PRH1: variants seen among roughly 807,000 people sequenced by gnomAD.
The protein encoded by PRH1 is salivary acidic proline-rich phosphoprotein 1/2.
PRH1 carries 7 observed loss-of-function variants against 7.9 expected under a neutral mutation model. That is an observed-to-expected ratio of 0.89 (90% CI 0.50 to 1.67). PRH1 has a LOEUF of 1.67. Among genes scored for constraint, PRH1 ranks in the 40% most tolerant of loss-of-function variants. The pLI, the probability that PRH1 is intolerant of heterozygous loss-of-function variation, is 0.00. For synonymous variants in PRH1, 45 were observed against 80.8 expected (o/e 0.56, Z 2.38); for missense variants, 109 against 223.6 (o/e 0.49, Z 3.27).
At chr12:10,981,947 G>A (rs1193433922) in intron 1 of PRH1, among the ~76,000 whole-genome samples, 3 of 149,796 alleles carry the variant, frequency 2.0e-5, no homozygotes, top group Non-Finnish European at 3.0e-5. Flanking sequence ...CTCCCACTTC[G>A]GCCTCCTAAA....
chr12:11,150,829 A>T (rs951673698), intron 1 of PRH1, among the ~76,000 whole-genome samples: 4 of 152,186 alleles, frequency 2.6e-5, no homozygotes, highest in Non-Finnish European at 4.4e-5. Context: ...ATAATAATGA[A>T]AAAAGATATC....
At chr12:11,064,723 C>A (rs1453033241) in intron 1 of PRH1, among the ~76,000 whole-genome samples, 1 of 151,848 alleles carries the variant, frequency 6.6e-6, no homozygotes, top group Admixed American at 6.6e-5. Flanking sequence ...ACATATTTAC[C>A]ACTTCATTAA....
chr12:11,105,170 T>G (rs1400219843), intron 1 of PRH1, among the ~76,000 whole-genome samples: 1 of 152,086 alleles, frequency 6.6e-6, no homozygotes. Flanking sequence ...ATTTCAGGAT[T>G]GTTTAACAAC....
rs377733965 is a variant in PRH1 at position 10,909,287 on chromosome 12, G to A, written c.-58-25012C>T. The A allele has an allele frequency of 8.7e-6, 14 of 1,611,554 alleles. 1 individual carries two copies. The African/African-American group carries it at 1.9e-4, about 22-fold the overall frequency. ...TTACAAGAGTGAAGATACTCGGCAG[G>A]GCACTTTCCATGTCAGAACAGAGAA... On this transcript the variant is annotated intron_variant, in intron 2 of 3. Transcript: ENST00000539853.
intron 1 of PRH1, among the ~76,000 whole-genome samples, chr12:11,169,598 A>G (rs1381112825): frequency 7.5e-5 from 11 of 146,674 alleles, no homozygotes; most frequent in Non-Finnish European, 1.5e-5. Context: ...ATGAGTCCAC[A>G]TAGCTTTACA....
intron 1 of PRH1, chr12:11,061,553 A>G: frequency 6.2e-7 from 1 of 1,614,160 alleles, no homozygotes; most frequent in Non-Finnish European, 8.5e-7. Flanking sequence ...CTCCAAACTG[A>G]CATGATTATG....
At chr12:11,154,345 GAA>G (rs1947190138) in intron 1 of PRH1, among the ~76,000 whole-genome samples, 1 of 152,102 alleles carries the variant, frequency 6.6e-6, no homozygotes, top group Non-Finnish European at 1.5e-5. Context: ...ATAAATAAGA[GAA>G]AACACAAGTT....
At chr12:11,168,288 GA>G (rs754942028) in intron 1 of PRH1, among the ~76,000 whole-genome samples, 35 of 29,068 alleles carry the variant, frequency 1.2e-3, no homozygotes, top group African/African-American at 1.9e-3. Context: ...AAGAAAGAAA[GA>G]AAGAAAGAAA....
chr12:11,134,282 G>A (rs1946483029), intron 1 of PRH1: 2 of 1,548,686 alleles, frequency 1.3e-6, no homozygotes, highest in Non-Finnish European at 1.7e-6. Flanking sequence ...AAATGCTGGT[G>A]TAATATCACT....
chr12:11,021,648 A>C, intron 1 of PRH1: 1 of 1,590,752 alleles, frequency 6.3e-7, no homozygotes, highest in Non-Finnish European at 8.6e-7. Flanking sequence ...GAATCTATGG[A>C]GTTGAGGGTT....
In PRH1 at chr12:10,908,823, T is replaced by C. The variant is rs1949848290; in HGVS notation, c.-58-24548A>G. ...GAAATTCCAAGTTGTGTTTCTTTCA[T>C]ATCGGTCCAGCCAGTCTTTTATATG... On this transcript the variant is annotated intron_variant, in intron 2 of 3. Transcript: ENST00000539853. 16 of 1,613,938 alleles carry C rather than the reference T, an allele frequency of 9.9e-6. No homozygotes were observed. The highest frequency in any genetic ancestry group is 1.3e-5 in the African/African-American group (1 of 75,056).
intron 1 of PRH1, among the ~76,000 whole-genome samples, chr12:11,006,739 T>G (rs1940851708): frequency 6.6e-6 from 1 of 152,154 alleles, no homozygotes; most frequent in Admixed American, 6.6e-5. Context: ...CCTAAATGTG[T>G]AATAATATTC....
intron 1 of PRH1, among the ~76,000 whole-genome samples, chr12:11,073,916 G>T (rs1944189055): frequency 7.0e-6 from 1 of 142,786 alleles, no homozygotes. Context: ...AAAAATGCAA[G>T]TGCAGAACAT....
chr12:11,071,503 T>C lies in PRH1; in HGVS notation n.124-24315A>G, dbSNP rs1427069004. Among the ~76,000 whole-genome samples the C allele has an allele frequency of 3.3e-5, 5 of 152,272 alleles. No individual in the cohort carries two copies. In the East Asian group the frequency reaches 5.8e-4, roughly 18 times the overall value. On this transcript the variant is annotated intron_variant and non_coding_transcript_variant, in intron 1 of 4. Coordinates refer to the PRH1 transcript ENST00000541977. Reference sequence around the variant, plus strand: ...CACTTTGGGCACAGACACAAAGGAATGTAGAGTAGTTTATCTAAAGAGCTT... The same window carrying C: ...CACTTTGGGCACAGACACAAAGGAACGTAGAGTAGTTTATCTAAAGAGCTT...
At chr12:10,938,489 T>C (rs1321842522) in intron 2 of PRH1, 2 of 1,614,060 alleles carry the variant, frequency 1.2e-6, no homozygotes, top group South Asian at 2.2e-5. Flanking sequence ...GAAAATGGCA[T>C]AGAGTAGGAA....
chr12:11,130,666 G>C (rs1247407685), intron 1 of PRH1, among the ~76,000 whole-genome samples: 2 of 142,812 alleles, frequency 1.4e-5, no homozygotes, highest in African/African-American at 2.5e-5. Context: ...TGACAAGCCT[G>C]TAGGAGAGGG....
intron 2 of PRH1, among the ~76,000 whole-genome samples, chr12:10,941,487 CT>C (rs1453215751): frequency 1.3e-5 from 2 of 151,774 alleles, no homozygotes; most frequent in African/African-American, 4.8e-5. Context: ...TTCATTTTAA[CT>C]TTTTTATGCA....
intron 2 of PRH1, among the ~76,000 whole-genome samples, chr12:10,900,169 G>T (rs980737843): frequency 6.6e-6 from 1 of 152,088 alleles, no homozygotes. Flanking sequence ...AGTGAATGAA[G>T]CTCCAGTAGG....
intron 1 of PRH1, among the ~76,000 whole-genome samples, chr12:11,093,373 A>G (rs2136267995): frequency 8.6e-6 from 1 of 115,666 alleles, no homozygotes; most frequent in South Asian, 2.4e-4. Context: ...TTATTCACAA[A>G]CTCATAAATA....
Sources: allele counts gnomAD v4.1 joint callset (sites outside exome capture counted in the v4.1 genomes callset), GRCh38; gene constraint gnomAD v4.1.1; transcripts MANE v1.5; gene names NCBI Gene and HGNC (gene_info 2026-07-23, HGNC 2026-07-21).